PRR16: variants seen among roughly 807,000 people sequenced by gnomAD.
The protein encoded by PRR16 is proline rich 16.
A neutral mutation model predicts 18.2 loss-of-function variants in PRR16; 6 were observed. That is an observed-to-expected ratio of 0.33 (90% CI 0.18 to 0.65). PRR16 has a LOEUF of 0.65. Ranked by LOEUF, PRR16 falls within the 30% of genes least tolerant of loss-of-function variation. The pLI is 0.74. For synonymous variants in PRR16, 151 were observed against 147.8 expected, an observed-to-expected ratio of 1.02 and a Z score of -0.16; for missense variants, 412 against 376.6, an observed-to-expected ratio of 1.09 and a Z score of -0.78.
intron 1 of PRR16, among the ~76,000 whole-genome samples, chr5:120,550,285 T>A (rs1420081141): frequency 3.3e-5 from 5 of 152,040 alleles, no homozygotes; most frequent in Non-Finnish European, 7.4e-5. Flanking sequence ...GAATAGCTTG[T>A]CTTAGTTTTT....
the PRR16 span, among the ~76,000 whole-genome samples, chr5:120,779,209 G>T: frequency 2.6e-5 from 4 of 152,174 alleles, no homozygotes; most frequent in Non-Finnish European, 5.9e-5. Flanking sequence ...CAATCTGGCT[G>T]CAACAGTTTC....
chr5:120,517,909 G>A (rs1423147550), intron 1 of PRR16, among the ~76,000 whole-genome samples: 1 of 152,140 alleles, frequency 6.6e-6, no homozygotes, highest in Non-Finnish European at 1.5e-5. Flanking sequence ...AGGACTTCCT[G>A]TACTGTAAAG....
chr5:120,504,594 C>T lies in PRR16; in HGVS notation c.159+39949C>T, dbSNP rs144028266. Among the ~76,000 whole-genome samples the T allele has an allele frequency of 5.0e-3, 763 of 152,000 alleles. 12 individuals carry two copies. Among genetic ancestry groups the T allele is most frequent in the African/African-American group, 0.017 (721 of 41,448 alleles). On this transcript the variant is annotated intron_variant, in intron 1 of 1. Transcript: ENST00000407149. ...TCGCCCTTCACGGGGTTGACATGGG[C>T]GGTGATCATTGATGTAAGAAGGTCA...
intron 1 of PRR16, among the ~76,000 whole-genome samples, chr5:120,529,499 G>A (rs866422480): frequency 6.6e-6 from 1 of 152,090 alleles, no homozygotes; most frequent in African/African-American, 2.4e-5. Flanking sequence ...AAAACAACGA[G>A]CACACTACAT....
chr5:120,672,229 G>A (rs948694486), intron 1 of PRR16, among the ~76,000 whole-genome samples: 1 of 141,430 alleles, frequency 7.1e-6, no homozygotes, highest in Non-Finnish European at 1.5e-5. Flanking sequence ...TGAAGGGCAG[G>A]TGAGGGGTCT....
intron 1 of PRR16, among the ~76,000 whole-genome samples, chr5:120,665,744 GT>G (rs1756351306): frequency 1.3e-5 from 2 of 152,056 alleles, no homozygotes; most frequent in Non-Finnish European, 2.9e-5. Context: ...TTTTTGTCAG[GT>G]TTGTCAAAGA....
chr5:120,733,596 G>C, the PRR16 span, among the ~76,000 whole-genome samples: 1 of 152,090 alleles, frequency 6.6e-6, no homozygotes, highest in African/African-American at 2.4e-5. Context: ...AGCTCAAGAA[G>C]TTGTATAATC....
chr5:120,672,700 A>T (rs1302417474), intron 1 of PRR16, among the ~76,000 whole-genome samples: 1 of 152,128 alleles, frequency 6.6e-6, no homozygotes, highest in Non-Finnish European at 1.5e-5. Context: ...AATATTTTTT[A>T]TTGAGCTAGT....
At position 120,561,700 on chromosome 5, in the gene PRR16, G is replaced by C. The variant is rs1438135585; in HGVS notation, c.159+97055G>C. 3.3e-5 allele frequency among the ~76,000 whole-genome samples: 5 copies of C among 152,064 alleles called. No homozygotes were observed. In the South Asian group the frequency reaches 1.0e-3, roughly 32 times the overall value. On this transcript the variant is annotated intron_variant, in intron 1 of 1. Coordinates refer to ENST00000407149, the MANE Select transcript of PRR16 (RefSeq NM_001300783.2). ...CCATAATTCCCAGGTGTTGTAGGAG[G>C]GACCCAGTGGGAGATAATTGAATCA...
chr5:120,568,458 A>G (rs557450782), intron 1 of PRR16, among the ~76,000 whole-genome samples: 140 of 152,196 alleles, frequency 9.2e-4, no homozygotes, highest in Non-Finnish European at 1.7e-3. Flanking sequence ...AAAGAAAACA[A>G]AATAAAGTTG....
At chr5:120,665,487 T>G (rs1375053651) in intron 1 of PRR16, among the ~76,000 whole-genome samples, 1 of 152,208 alleles carries the variant, frequency 6.6e-6, no homozygotes, top group Non-Finnish European at 1.5e-5. Context: ...CAATTTTGGC[T>G]TTTGTTGCTG....
At chr5:120,696,528 A>T in the PRR16 span, among the ~76,000 whole-genome samples, 1 of 152,230 alleles carries the variant, frequency 6.6e-6, no homozygotes, top group East Asian at 1.9e-4. Flanking sequence ...CCTTCACTTT[A>T]TTGACCTCTT....
chr5:120,480,263 C>A (rs150472524), intron 1 of PRR16, among the ~76,000 whole-genome samples: 2,930 of 152,148 alleles, frequency 0.019, 36 homozygotes, highest in Non-Finnish European at 0.03. Context: ...GAGTATGCAC[C>A]AAAATGTTCA....
At chr5:120,633,749 GAGAT>G (rs1755136612) in intron 1 of PRR16, among the ~76,000 whole-genome samples, 2 of 86,896 alleles carry the variant, frequency 2.3e-5, no homozygotes, top group Non-Finnish European at 5.3e-5. Context: ...CCTAAGAAAT[GAGAT>G]AGACAGCAAC....
intron 1 of PRR16, among the ~76,000 whole-genome samples, chr5:120,657,753 A>G (rs968710423): frequency 6.6e-6 from 1 of 151,930 alleles, no homozygotes; most frequent in Non-Finnish European, 1.5e-5. Context: ...GGACAGAAGA[A>G]GTGAGGATGT....
Position 120,540,690 on chromosome 5 carries a change from G to T in PRR16, c.159+76045G>T, listed in dbSNP as rs551824862. Among the ~76,000 whole-genome samples the T allele has an allele frequency of 2.3e-4, 35 of 152,182 alleles. No individual in the cohort carries two copies. In the East Asian group the frequency reaches 6.8e-3, roughly 29 times the overall value. On this transcript the variant is annotated intron_variant, in intron 1 of 1. Transcript: ENST00000407149. ...TCCATTATTGGAACGCTAAGCATCT[G>T]GGAGTTATTTATATCCTACTGCTCA... is the stretch of plus-strand genomic sequence containing the variant.
chr5:120,513,509 T>A (rs1365050420), intron 1 of PRR16, among the ~76,000 whole-genome samples: 1 of 152,156 alleles, frequency 6.6e-6, no homozygotes, highest in Non-Finnish European at 1.5e-5. Context: ...CTCTCAAGAC[T>A]CATGGCCTTC....
chr5:120,724,080 A>G, the PRR16 span, among the ~76,000 whole-genome samples: 6 of 151,942 alleles, frequency 3.9e-5, no homozygotes, highest in African/African-American at 1.4e-4. Context: ...CATCCTAAGC[A>G]TATGGCTTTC....
the PRR16 span, among the ~76,000 whole-genome samples, chr5:120,699,822 G>T: frequency 3.3e-5 from 5 of 152,188 alleles, no homozygotes; most frequent in African/African-American, 1.2e-4. Flanking sequence ...AGAAGGTGCT[G>T]GGGTTTGAGA....
Sources: allele counts gnomAD v4.1 joint callset (sites outside exome capture counted in the v4.1 genomes callset), GRCh38; gene constraint gnomAD v4.1.1; transcripts MANE v1.5; gene names NCBI Gene and HGNC (gene_info 2026-07-23, HGNC 2026-07-21).